Variants in COL24A1 observed in about 807,000 individuals in gnomAD.
COL24A1 encodes the protein collagen type XXIV alpha 1 chain, also known as collagen alpha-1(XXIV) chain.
COL24A1 carries 224 observed loss-of-function variants against 253.9 expected under a neutral mutation model. The ratio of observed to expected loss-of-function variants is 0.88; its 90% CI spans 0.79 to 0.99. COL24A1 has a LOEUF of 0.99. Among genes scored for constraint, COL24A1 ranks in the 50% least tolerant of loss-of-function variants. The pLI is 0.00. For missense variants in COL24A1, 2,131 were observed against 2,068.5 expected (o/e 1.03, Z -0.59); for synonymous variants, 685 against 673.7 (o/e 1.02, Z -0.26).
intron 24 of COL24A1, among the ~76,000 whole-genome samples, chr1:85,944,996 C>CG (rs1689121482): frequency 1.9e-5 from 1 of 53,138 alleles, no homozygotes; most frequent in Admixed American, 2.4e-4. Flanking sequence ...TCCAGTCTAT[C>CG]ATTGTGTTTT....
At chr1:86,022,045 C>T (rs1016335562) in intron 18 of COL24A1, among the ~76,000 whole-genome samples, 195 bp downstream of exon 18, 3 of 152,084 alleles carry the variant, frequency 2.0e-5, no homozygotes, top group Non-Finnish European at 2.9e-5. Flanking sequence ...TTGGCTTTGG[C>T]CTAGGGTTGG....
At position 85,838,714 on chromosome 1, in the gene COL24A1, T is replaced by C. The variant is rs561262088; in HGVS notation, c.3628-76A>G. On this transcript the variant is annotated intron_variant, in intron 42 of 59. Transcript: ENST00000370571. ...ATGCGAATGCAGGTGATAAGATTAG[T>C]GTTGTTTATTCTTTTGTCAAAAATA... is the stretch of plus-strand genomic sequence containing the variant. 1.0e-4 allele frequency: 136 copies of C among 1,340,644 alleles called. No homozygotes were observed. In the South Asian group the frequency reaches 1.3e-3, roughly 13 times the overall value. 83.0% of individuals were successfully genotyped at this position (1,340,644 alleles called of 1,614,324 possible).
At chr1:86,153,661 T>C (rs931104118) in intron 1 of COL24A1, among the ~76,000 whole-genome samples, 5 of 152,212 alleles carry the variant, frequency 3.3e-5, no homozygotes, top group African/African-American at 1.2e-4. Flanking sequence ...ATAAATTAGA[T>C]TTACTCTCCC....
chr1:85,973,662 G>A (rs1367216620), intron 20 of COL24A1, among the ~76,000 whole-genome samples: 1 of 152,078 alleles, frequency 6.6e-6, no homozygotes, highest in Non-Finnish European at 1.5e-5. Context: ...ACCTGCAGAC[G>A]GCTGACCGGT....
chr1:85,853,464 T>TTA (rs1678053199), intron 37 of COL24A1, among the ~76,000 whole-genome samples: 1 of 152,208 alleles, frequency 6.6e-6, no homozygotes, highest in Non-Finnish European at 1.5e-5. Flanking sequence ...GTAGAACAGT[T>TTA]TATATTCCTT....
chr1:85,865,367 AG>A (rs1679666642), intron 37 of COL24A1, among the ~76,000 whole-genome samples: 1 of 152,194 alleles, frequency 6.6e-6, no homozygotes, highest in Admixed American at 6.5e-5. Flanking sequence ...TGAGTTTACA[AG>A]CTGAAAGCCA....
intron 31 of COL24A1, among the ~76,000 whole-genome samples, chr1:85,890,880 C>G (rs1231452321): frequency 2.6e-5 from 4 of 152,084 alleles, no homozygotes; most frequent in Non-Finnish European, 1.5e-5. Flanking sequence ...CATCTTTACA[C>G]TCTTTGTAGT....
chr1:85,819,218 C>T (rs1203087485), intron 45 of COL24A1, among the ~76,000 whole-genome samples: 1 of 152,110 alleles, frequency 6.6e-6, no homozygotes, highest in Non-Finnish European at 1.5e-5. Context: ...TTAAAGTATA[C>T]ACATTTCTAG....
At chr1:85,910,157 G>T (rs41306625) in intron 25 of COL24A1, among the ~76,000 whole-genome samples, 154 bp from the exon 26 acceptor site, 217 of 151,690 alleles carry the variant, frequency 1.4e-3, no homozygotes, top group African/African-American at 5.0e-3. Flanking sequence ...CAAATTTGGC[G>T]CTTTATCTTA....
intron 5 of COL24A1, among the ~76,000 whole-genome samples, chr1:86,096,121 C>T (rs1017916833): frequency 3.3e-5 from 5 of 152,070 alleles, no homozygotes; most frequent in Non-Finnish European, 7.4e-5. Flanking sequence ...GGACCAAATT[C>T]TCTATGGATT....
At chr1:86,122,834 G>T (rs1647586260) in intron 3 of COL24A1, among the ~76,000 whole-genome samples, 1 of 151,938 alleles carries the variant, frequency 6.6e-6, no homozygotes, top group African/African-American at 2.4e-5. Flanking sequence ...CCTGGACACT[G>T]TTACCAGACC....
chr1:85,943,639 G>GT (rs1688961799), intron 24 of COL24A1, among the ~76,000 whole-genome samples: 1 of 152,226 alleles, frequency 6.6e-6, no homozygotes, highest in Non-Finnish European at 1.5e-5. Flanking sequence ...AATTGCAACA[G>GT]TTGAGCAATA....
intron 5 of COL24A1, among the ~76,000 whole-genome samples, chr1:86,110,635 G>T (rs988785263): frequency 2.0e-5 from 3 of 152,092 alleles, no homozygotes; most frequent in Non-Finnish European, 4.4e-5. Context: ...CACAGGCTTG[G>T]CAGGCCCCAC....
At chr1:86,051,559 G>A (rs1357177629) in intron 10 of COL24A1, among the ~76,000 whole-genome samples, 2 of 152,050 alleles carry the variant, frequency 1.3e-5, no homozygotes, top group Admixed American at 6.6e-5. Context: ...TGTGATTGGT[G>A]GGCAAGAGGT....
chr1:86,120,651 G>A (rs1706656277), intron 3 of COL24A1, among the ~76,000 whole-genome samples: 1 of 152,240 alleles, frequency 6.6e-6, no homozygotes, highest in Non-Finnish European at 1.5e-5. Context: ...AACAGGTGCT[G>A]TAGAGGATGT....
intron 18 of COL24A1, among the ~76,000 whole-genome samples, chr1:86,017,705 A>T (rs1697130491): frequency 6.6e-6 from 1 of 152,220 alleles, no homozygotes; most frequent in African/African-American, 2.4e-5. Context: ...AAATAGAAAT[A>T]ATAATTATAG....
intron 19 of COL24A1, among the ~76,000 whole-genome samples, chr1:86,016,397 G>A (rs979439665): frequency 6.6e-6 from 1 of 152,158 alleles, no homozygotes; most frequent in Non-Finnish European, 1.5e-5. Flanking sequence ...TTATTCTGAT[G>A]CCAATTATTT....
intron 3 of COL24A1, among the ~76,000 whole-genome samples, chr1:86,122,987 G>A (rs972623254): frequency 6.6e-6 from 1 of 151,978 alleles, no homozygotes; most frequent in Non-Finnish European, 1.5e-5. Flanking sequence ...TGCTTTAGAG[G>A]AAGAAAACCT....
intron 2 of COL24A1, among the ~76,000 whole-genome samples, chr1:86,126,469 T>G (rs115355688): frequency 0.02 from 3,081 of 152,020 alleles, 124 homozygotes; most frequent in African/African-American, 0.071. Flanking sequence ...ACTTATTTAT[T>G]ATTAGTTTAT....
Sources: allele counts gnomAD v4.1 joint callset (sites outside exome capture counted in the v4.1 genomes callset), GRCh38; gene constraint gnomAD v4.1.1; transcripts MANE v1.5; gene names NCBI Gene and HGNC (gene_info 2026-07-23, HGNC 2026-07-21).